Variants in ZNF791 observed in about 807,000 individuals in gnomAD.
The protein encoded by ZNF791 is zinc finger protein 791.
A neutral mutation model predicts 11.5 loss-of-function variants in ZNF791; 4 were observed. That is an observed-to-expected ratio of 0.35 (90% confidence interval 0.17 to 0.80). The LOEUF is 0.80. Ranked by LOEUF, ZNF791 falls within the 30% of genes least tolerant of loss-of-function variation. ZNF791 has a pLI of 0.53. For synonymous variants in ZNF791, 212 were observed against 228.1 expected, an observed-to-expected ratio of 0.93 and a Z score of 0.64; for missense variants, 559 against 699.4, an observed-to-expected ratio of 0.80 and a Z score of 2.26.
At chr19:12,626,518 A>T (rs1205546389) in intron 3 of ZNF791, among the ~76,000 whole-genome samples, 1 of 145,386 alleles carries the variant, frequency 6.9e-6, no homozygotes, top group Admixed American at 6.8e-5. Context: ...TCCTGACCCC[A>T]ATTGATCCAC....
At chr19:12,612,481 C>T (rs1191799731) in intron 1 of ZNF791, 2 of 150,028 alleles carry the variant, frequency 1.3e-5, no homozygotes, top group Middle Eastern at 3.4e-3. Flanking sequence ...CTAGCTTTCT[C>T]GCCAGGCTGG....
At chr19:12,611,147 T>C (rs2145174282) in intron 1 of ZNF791, 65 bp downstream of exon 1, 2 of 1,605,060 alleles carry the variant, frequency 1.2e-6, no homozygotes, top group Non-Finnish European at 1.7e-6. Flanking sequence ...CTCCCCACGG[T>C]CACCTCCGGC....
In ZNF791 at chr19:12,630,336, G is replaced by T. The variant is rs1394062565; in HGVS notation, c.*1076G>T. 1 of 151,914 alleles carries T rather than the reference G, an allele frequency of 6.6e-6. No homozygotes were observed. The highest frequency in any genetic ancestry group is 1.5e-5 in the Non-Finnish European group (1 of 68,022). The allele number at this position is 151,914 out of a possible 1,614,324, so 9.4% of individuals were successfully genotyped here. On this transcript the variant is annotated 3_prime_UTR_variant, in exon 4 of 4. Coordinates refer to ENST00000343325, the MANE Select transcript of ZNF791 (RefSeq NM_153358.3). ...AGCTGGGCGTTCTGGTGTGCCTGTA[G>T]TCCCAGCTACTTGGGAGGCCAAAGC... is the stretch of plus-strand genomic sequence containing the variant.
chr19:12,622,411 CAAAAAAAAAA>C (rs370413296), intron 1 of ZNF791, among the ~76,000 whole-genome samples: 29 of 79,604 alleles, frequency 3.6e-4, no homozygotes, highest in African/African-American at 1.5e-3. Flanking sequence ...CTGTCTCAAA[CAAAAAAAAAA>C]AAAAAAAAAA....
intron 1 of ZNF791, among the ~76,000 whole-genome samples, chr19:12,621,324 A>G (rs1249494791): frequency 6.6e-6 from 1 of 152,098 alleles, no homozygotes; most frequent in African/African-American, 2.4e-5. Context: ...CGATTTTGTG[A>G]AAGTCTAAGT....
At position 12,623,845 on chromosome 19, in the gene ZNF791, T is replaced by A; in HGVS notation, c.130+19T>A. On this transcript the variant is annotated intron_variant, in intron 2 of 3. Coordinates refer to ENST00000343325, the MANE Select transcript of ZNF791 (RefSeq NM_153358.3). ...TCTATAGGTAAGGATGACATCATTT[T>A]TTCTTTTTTCTTTTTTTTTTTTTTT... 1 of 1,102,130 alleles carries A rather than the reference T, an allele frequency of 9.1e-7. No homozygotes were observed. The highest frequency in any genetic ancestry group is 1.3e-6 in the Non-Finnish European group (1 of 799,890). The allele number at this position is 1,102,130 out of a possible 1,614,324, so 68.3% of individuals were successfully genotyped here. A position where few individuals can be genotyped will look rare whatever the true frequency, so the allele number is the denominator to read the frequency against.
In ZNF791 at chr19:12,632,386, T is replaced by C. The variant is rs1179774856; in HGVS notation, c.*3126T>C. ...TCTGAATAAAGAGATTGTTGAATAC[T>C]GACACACTGTAACTAGGATTTTTCC... On this transcript the variant is annotated 3_prime_UTR_variant, in exon 4 of 4. Coordinates refer to ENST00000343325, the MANE Select transcript of ZNF791 (RefSeq NM_153358.3). 6.6e-6 allele frequency: 1 copy of C among 152,178 alleles called. No individual in the cohort carries two copies. Among genetic ancestry groups the C allele is most frequent in the Non-Finnish European group, 1.5e-5 (1 of 68,044 alleles). The allele number at this position is 152,178 out of a possible 1,614,324, so 9.4% of individuals were successfully genotyped here. A position where few individuals can be genotyped will look rare whatever the true frequency, so the allele number is the denominator to read the frequency against.
At position 12,633,546 on chromosome 19, in the gene ZNF791, A is replaced by C. The variant is rs2023523906; in HGVS notation, c.*4286A>C. On this transcript the variant is annotated 3_prime_UTR_variant, in exon 4 of 4. Transcript: ENST00000343325. The stretch of plus-strand genomic sequence containing the variant: ...TCAAAAGTATCCTGAAAACACCCTG[A>C]GCTGCTTGACTTCCATTCTCAAAGA... 2.0e-5 allele frequency: 3 copies of C among 152,160 alleles called. No homozygotes were observed. 9.4% of individuals were successfully genotyped at this position (152,160 alleles called of 1,614,324 possible).
intron 1 of ZNF791, among the ~76,000 whole-genome samples, chr19:12,611,462 A>C (rs1161828214): frequency 3.3e-5 from 5 of 152,130 alleles, no homozygotes; most frequent in Non-Finnish European, 5.9e-5. Context: ...CTGTCCCCCC[A>C]GCCTAGCTCC....
At chr19:12,614,802 C>T (rs2023215253) in intron 1 of ZNF791, among the ~76,000 whole-genome samples, 1 of 145,416 alleles carries the variant, frequency 6.9e-6, no homozygotes, top group Admixed American at 7.0e-5. Flanking sequence ...CCATGTTTGT[C>T]AGTCTGGTCT....
At chr19:12,617,891 C>G (rs542349860) in intron 1 of ZNF791, among the ~76,000 whole-genome samples, 8 of 147,286 alleles carry the variant, frequency 5.4e-5, no homozygotes, top group Non-Finnish European at 8.9e-5. Context: ...CAGGTGCGTG[C>G]CACATACAGG....
intron 2 of ZNF791, 50 bp downstream of exon 2, chr19:12,623,876 G>GGGGT (rs35962027): frequency 4.8e-6 from 4 of 833,968 alleles, no homozygotes. Flanking sequence ...TTTTTGGGGG[G>GGGGT]GGACAGAGTT....
chr19:12,618,688 GGGAGGC>G (rs1287730631), intron 1 of ZNF791, among the ~76,000 whole-genome samples: 6 of 151,518 alleles, frequency 4.0e-5, no homozygotes, highest in African/African-American at 1.5e-4. Context: ...GCTTGAACCC[GGGAGGC>G]GGAGGCTGCA....
intron 3 of ZNF791, among the ~76,000 whole-genome samples, chr19:12,626,217 A>G (rs1201546365): frequency 6.6e-6 from 1 of 152,050 alleles, no homozygotes; most frequent in Non-Finnish European, 1.5e-5. Context: ...GGGTTTCACT[A>G]TGTTGGCCAG....
chr19:12,623,808 A>C lies in ZNF791; in HGVS notation c.112A>C (p.Lys38Gln). The C allele has an allele frequency of 6.4e-7, 1 of 1,570,478 alleles. No individual in the cohort carries two copies. The change falls in exon 2 of 4, where the codon AAG (lysine) becomes CAG (glutamine). Residue 38 changes from lysine to glutamine, a missense_variant. Coordinates refer to ENST00000343325, the MANE Select transcript of ZNF791 (RefSeq NM_153358.3). ...LYRDVMQETF[K>Q]NLASIGEKWE... ...CAGAGATGTGATGCAGGAAACATTC[A>C]AGAACCTGGCATCTATAGGTAAGGA...
Position 12,628,316 on chromosome 19 carries a change from A to C in ZNF791, c.787A>C (p.Met263Leu). The C allele has an allele frequency of 6.2e-7, 1 of 1,613,554 alleles. No individual in the cohort carries two copies. Among genetic ancestry groups the C allele is most frequent in the South Asian group, 1.1e-5 (1 of 90,964 alleles). Residue 263 changes from methionine to leucine, a missense_variant, in exon 4 of 4, where the codon ATG becomes CTG. Transcript: ENST00000343325. ...TTCCCACACAAGTGTTCTAACACAC[A>C]TGATAACACACAACGGAGATAGACC... ...FISHTSVLTH[M>L]ITHNGDRPYK...
chr19:12,629,357 T>A lies in ZNF791; in HGVS notation c.*97T>A. ...CCACTGAAGAGAGAAATCCTGTCAA[T>A]GTAAGTAATATAGAAAGCGAGATAC... On this transcript the variant is annotated 3_prime_UTR_variant, in exon 4 of 4. Transcript: ENST00000343325. 1.1e-6 allele frequency: 1 copy of A among 926,868 alleles called. No homozygotes were observed. Among genetic ancestry groups the A allele is most frequent in the East Asian group, 2.7e-5 (1 of 36,450 alleles). 57.4% of individuals were successfully genotyped at this position (926,868 alleles called of 1,614,324 possible).
intron 1 of ZNF791, 53 bp downstream of exon 1, chr19:12,611,135 G>GCCTCCCCACGGTCA (rs1284342916): frequency 6.2e-6 from 10 of 1,610,060 alleles, no homozygotes; most frequent in Non-Finnish European, 8.5e-6. Flanking sequence ...CGGGACCCGG[G>GCCTCCCCACGGTCA]CCTCCCCACG....
chr19:12,622,682 C>T (rs2023372579), intron 1 of ZNF791, among the ~76,000 whole-genome samples: 1 of 151,788 alleles, frequency 6.6e-6, no homozygotes, highest in Admixed American at 6.6e-5. Flanking sequence ...ATCACGAGGT[C>T]GGGAGTTCAA....
Sources: allele counts gnomAD v4.1 joint callset (sites outside exome capture counted in the v4.1 genomes callset), GRCh38; gene constraint gnomAD v4.1.1; transcripts MANE v1.5; gene names NCBI Gene and HGNC (gene_info 2026-07-23, HGNC 2026-07-21).